The following ZNF142 variants were observed in gnomAD, a reference collection of about 807,000 sequenced individuals.
ZNF142 encodes the protein zinc finger protein 142, also known as zinc finger protein 142 (clone pHZ-49).
ZNF142 carries 96 observed loss-of-function variants against 132.1 expected under a neutral mutation model. The observed-to-expected ratio is 0.73, with a 90% confidence interval of 0.62 to 0.86. The LOEUF (loss-of-function observed/expected upper bound fraction) is 0.86, where lower values mean the gene tolerates loss of function less well. ZNF142 is among the 40% of genes least tolerant of loss of function. ZNF142 has a pLI of 0.00. For synonymous variants in ZNF142, 842 were observed against 890.1 expected, an observed-to-expected ratio of 0.95 and a Z score of 0.96; for missense variants, 2,163 against 2,336.2, an observed-to-expected ratio of 0.93 and a Z score of 1.53.
Position 218,642,102 on chromosome 2 carries a change from G to A in ZNF142, c.5014C>T (p.Arg1672Cys), listed in dbSNP as rs1340915819. ...KNRQKITWHS[R>C]IHTGEKPYHC... ...TAAGGCTTTTCCCCAGTGTGGATGCGGCTGTGCCAGGTGATCTTCTGTCGG... is the reference window on the plus strand; with the variant it reads ...TAAGGCTTTTCCCCAGTGTGGATGCAGCTGTGCCAGGTGATCTTCTGTCGG... Residue 1672 changes from arginine (R) to cysteine (C), a missense_variant, in exon 9 of 11, where the codon CGC (arginine) becomes TGC (cysteine). Coordinates refer to ENST00000411696, the MANE Select transcript of ZNF142 (RefSeq NM_001379659.1). The surrounding 1 kb of genome is among the most constrained non-coding windows in gnomAD (Gnocchi z 4.6). 5.6e-6 allele frequency: 9 copies of A among 1,614,074 alleles called. No individual in the cohort carries two copies. The highest frequency in any genetic ancestry group is 3.3e-5 in the South Asian group (3 of 91,090).
chr2:218,644,906 G>A lies in ZNF142; in HGVS notation c.2210C>T (p.Pro737Leu), dbSNP rs1223973454. The A allele has an allele frequency of 6.2e-7, 1 of 1,613,978 alleles. No homozygotes were observed. Among genetic ancestry groups the A allele is most frequent in the Non-Finnish European group, 8.5e-7 (1 of 1,179,962 alleles). The part of the protein sequence containing the change: ...LQKHMASQHH[P>L]GTPAPLYPCH... ...AGGGTAGAGTGGGGCCGGTGTGCCA[G>A]GGTGGTGCTGGGAAGCCATGTGCTT... The change falls in exon 9 of 11, where the codon CCT becomes CTT. Residue 737 changes from proline to leucine, a missense_variant. Transcript: ENST00000411696. This position sits in a 1 kb window ranked among gnomAD's most constrained non-coding sequence, Gnocchi z 4.6.
rs776379209 is a variant in ZNF142, at chr2:218,643,280, G to A, written c.3836C>T (p.Pro1279Leu). 4.1e-5 allele frequency: 66 copies of A among 1,614,062 alleles called. No homozygotes were observed. The highest frequency in any genetic ancestry group is 5.3e-5 in the African/African-American group (4 of 74,928). Residue 1279 changes from proline (P) to leucine (L), a missense_variant, in exon 9 of 11, where the codon CCG becomes CTG. Pro to Leu is a moderately conservative substitution (Grantham distance 98, BLOSUM62 -3). This residue lies in a region of ZNF142 where 809 missense variants were observed against 801.7 expected (regional missense o/e 1.01). Coordinates refer to ENST00000411696, the MANE Select transcript of ZNF142 (RefSeq NM_001379659.1). ...GCTGGACTCTGTACTCCCATTCTTC[G>A]GGGGAGCAGAGTCCCCATTGCTCAA... The part of the protein sequence containing the change: ...SPLSNGDSAP[P>L]KNGSTESSSG...
rs763408021 is a variant in ZNF142, at chr2:218,633,837, C to G, written c.*4502G>C. 65 of 1,538,608 alleles carry G rather than the reference C, an allele frequency of 4.2e-5. No individual in the cohort carries two copies. In the South Asian group the frequency reaches 7.2e-4, roughly 17 times the overall value. On this transcript the variant is annotated 3_prime_UTR_variant, in exon 11 of 11. Coordinates refer to ENST00000411696, the MANE Select transcript of ZNF142 (RefSeq NM_001379659.1). ...GGCCTGATGGACTGGCAGGTAAGTC[C>G]CAAGAAAAAAGACAAGGTAGCTAAG... is the stretch of plus-strand genomic sequence containing the variant.
intron 4 of ZNF142, among the ~76,000 whole-genome samples, chr2:218,653,788 G>GAACAAATCAA (rs1301844107): frequency 6.6e-6 from 1 of 152,028 alleles, no homozygotes; most frequent in Admixed American, 6.5e-5. Context: ...TCCAGAGCAT[G>GAACAAATCAA]AACAAATCAA....
rs1938470732 is a variant in ZNF142, at chr2:218,656,194, G to C, written c.236C>G (p.Thr79Arg). The change falls in exon 4 of 11, where the codon ACA becomes AGA. Residue 79 changes from threonine to arginine, a missense_variant. Around this residue, in one of 7 missense-constraint regions of ZNF142, gnomAD observed 195 missense variants for 172.4 expected, o/e 1.13. Transcript: ENST00000411696. Reference protein sequence around the residue: ...GPGNMEIIVETVAGTLTPGAP... With the variant: ...GPGNMEIIVERVAGTLTPGAP... ...ACCTGGGGTCAGGGTTCCAGCTACT[G>C]TCTCCACAATGATCTCCATGTTCCC... 6.2e-7 allele frequency: 1 copy of C among 1,610,876 alleles called. No individual in the cohort carries two copies. Among genetic ancestry groups the C allele is most frequent in the Non-Finnish European group, 8.5e-7 (1 of 1,178,182 alleles).
In ZNF142 at chr2:218,635,231, G is replaced by A. The variant is rs144615594; in HGVS notation, c.*3108C>T. 1.8e-4 allele frequency among the ~76,000 whole-genome samples: 27 copies of A among 151,960 alleles called. No homozygotes were observed. Among genetic ancestry groups the A allele is most frequent in the Non-Finnish European group, 3.5e-4 (24 of 67,984 alleles). On this transcript the variant is annotated 3_prime_UTR_variant, in exon 11 of 11. Transcript: ENST00000411696. ...TGCAGTGAGCTATGACTGCCCCACT[G>A]CATTCCAGCTTGGTCAAGAGTATGA...
chr2:218,645,388 C>T (rs977004353), intron 8 of ZNF142, among the ~76,000 whole-genome samples: 1 of 152,200 alleles, frequency 6.6e-6, no homozygotes, highest in African/African-American at 2.4e-5. Flanking sequence ...GCATGACCCA[C>T]TGTAGACTTC....
chr2:218,652,793 G>C (rs563006520), intron 4 of ZNF142, among the ~76,000 whole-genome samples: 2 of 152,234 alleles, frequency 1.3e-5, no homozygotes, highest in Non-Finnish European at 1.5e-5. Flanking sequence ...CAATGGGCAA[G>C]ACTTTGATAA....
chr2:218,639,635 G>C (rs1696998583), intron 10 of ZNF142, among the ~76,000 whole-genome samples: 1 of 151,280 alleles, frequency 6.6e-6, no homozygotes, highest in African/African-American at 2.4e-5. Flanking sequence ...GGGAGGCTAA[G>C]GCAAGAAGAT....
At chr2:218,645,297 A>G in intron 8 of ZNF142, among the ~76,000 whole-genome samples, 1 of 152,210 alleles carries the variant, frequency 6.6e-6, no homozygotes, top group Non-Finnish European at 1.5e-5. Flanking sequence ...GTAAGCCAGG[A>G]GCAGAGACAG....
In ZNF142 at chr2:218,651,990, T is replaced by C. The variant is rs1360288559; in HGVS notation, c.591A>G (p.Glu197=). 3.9e-6 allele frequency: 3 copies of C among 765,934 alleles called. No individual in the cohort carries two copies. Among genetic ancestry groups the C allele is most frequent in the Non-Finnish European group, 3.9e-6 (2 of 510,224 alleles). The allele number at this position is 765,934 out of a possible 1,614,324, so 47.4% of individuals were successfully genotyped here. ...CTTCAGCAGAGAACACACAGCCAGA[T>C]TCTGGGCAGGAGAAGGTGTCAGGAG... The part of the protein sequence containing the change: ...RGTPDTFSCP[E]SGCVFSAEDR... Residue 197 remains glutamate (E), a synonymous_variant, in exon 5 of 11, where the codon GAA becomes GAG. Transcript: ENST00000411696.
chr2:218,650,334 G>T (rs1236743612), intron 6 of ZNF142, 25 bp downstream of exon 6: 1 of 1,613,624 alleles, frequency 6.2e-7, no homozygotes, highest in Non-Finnish European at 8.5e-7. Context: ...ACCACCAAGG[G>T]CTTCAAGCCT....
At chr2:218,657,332 A>T (rs1236385968) in intron 3 of ZNF142, among the ~76,000 whole-genome samples, 1 of 152,120 alleles carries the variant, frequency 6.6e-6, no homozygotes, top group Non-Finnish European at 1.5e-5. Flanking sequence ...TCTTGGCTTG[A>T]TATGCCTTTT....
At position 218,636,354 on chromosome 2, in the gene ZNF142, T is replaced by C. The variant is rs1696747272; in HGVS notation, c.*1985A>G. On this transcript the variant is annotated 3_prime_UTR_variant, in exon 11 of 11. Transcript: ENST00000411696. ...GACTGGAAATCCCGAAATGACTTTA[T>C]TGGTCAGTACACCCTGCCTTGGACC... 1.9e-6 allele frequency: 3 copies of C among 1,614,018 alleles called. No individual in the cohort carries two copies. The highest frequency in any genetic ancestry group is 2.5e-6 in the Non-Finnish European group (3 of 1,179,894).
In ZNF142 at chr2:218,638,419, T is replaced by TG. The variant is rs1696884849; in HGVS notation, c.5583dup (p.Thr1862HisfsTer6). On this transcript the variant is annotated frameshift_variant, in exon 11 of 11. Coordinates refer to ENST00000411696, the MANE Select transcript of ZNF142 (RefSeq NM_001379659.1). LOFTEE classifies it high-confidence loss of function. ...AGCTGCACATCATGCAGGTGCACTGTGGGGGTGGTGGGGTCTTTGCCCACA... is the reference window on the plus strand; with the variant it reads ...AGCTGCACATCATGCAGGTGCACTGTGGGGGGTGGTGGGGTCTTTGCCCACA... The TG allele has an allele frequency of 6.4e-7, 1 of 1,557,154 alleles. No individual in the cohort carries two copies. Among genetic ancestry groups the TG allele is most frequent in the Non-Finnish European group, 8.7e-7 (1 of 1,146,214 alleles).
At chr2:218,656,093 C>A in intron 4 of ZNF142, 57 bp downstream of exon 4, 1 of 1,437,764 alleles carries the variant, frequency 7.0e-7, no homozygotes. Flanking sequence ...CAAAAATAAC[C>A]CAGACAAAAC....
At chr2:218,658,182 A>G (rs1201077707) in intron 3 of ZNF142, among the ~76,000 whole-genome samples, 7 of 152,234 alleles carry the variant, frequency 4.6e-5, no homozygotes, top group Admixed American at 4.6e-4. Flanking sequence ...ATTAGTAATT[A>G]ATAAGAATGA....
At chr2:218,639,081 C>T (rs1321416308) in intron 10 of ZNF142, among the ~76,000 whole-genome samples, 3 of 152,222 alleles carry the variant, frequency 2.0e-5, no homozygotes, top group Non-Finnish European at 4.4e-5. Context: ...AAGTGATCCT[C>T]CTGCCTCAGT....
Position 218,649,028 on chromosome 2 carries a change from T to A in ZNF142, c.1480A>T (p.Ser494Cys). ...LPLRCFQEGC[S>C]YAAPDRKAFI... ...GCCTTGCGGTCGGGTGCTGCATAGC[T>A]GCAGCCCTCCTGAAAGCAGCGAAGG... Residue 494 changes from serine to cysteine, a missense_variant, in exon 7 of 11, where the codon AGC becomes TGC. By Grantham distance (112) the Ser-to-Cys change is moderately radical. Around this residue, in one of 7 missense-constraint regions of ZNF142, gnomAD observed 749 missense variants for 830.3 expected, o/e 0.90. Coordinates refer to ENST00000411696, the MANE Select transcript of ZNF142 (RefSeq NM_001379659.1). 3.1e-6 allele frequency: 5 copies of A among 1,612,968 alleles called. No individual in the cohort carries two copies. The highest frequency in any genetic ancestry group is 4.2e-6 in the Non-Finnish European group (5 of 1,180,052).
Sources: gnomAD v4.1 joint callset for allele counts (sites outside exome capture counted in the v4.1 genomes callset) on GRCh38, gnomAD v4.1.1 for gene constraint, gnomAD v4.1.1 regional missense constraint, Gnocchi (gnomAD v3.1) non-coding constraint, MANE v1.5 for transcripts, NCBI Gene and HGNC (gene_info 2026-07-23, HGNC 2026-07-21) for gene names.